The following SLC25A40 variants were observed in gnomAD, a reference collection of about 807,000 sequenced individuals.
SLC25A40 encodes the protein solute carrier family 25 member 40, also known as mitochondrial glutathione transporter SLC25A40.
In SLC25A40, 41 loss-of-function variants were observed where a neutral mutation model predicts 46.5. The ratio of observed to expected loss-of-function variants is 0.88; its 90% CI spans 0.69 to 1.14. The LOEUF is 1.14. Ranked by LOEUF, SLC25A40 falls within the 50% of genes most tolerant of loss-of-function variation. The pLI is 0.00. For synonymous variants in SLC25A40, 126 were observed against 127.5 expected, an observed-to-expected ratio of 0.99 and a Z score of 0.08; for missense variants, 386 against 393.6, an observed-to-expected ratio of 0.98 and a Z score of 0.16.
chr7:87,848,188 GC>G (rs1838451239), intron 6 of SLC25A40, among the ~76,000 whole-genome samples: 1 of 152,102 alleles, frequency 6.6e-6, no homozygotes, highest in South Asian at 2.1e-4. Context: ...TATAAAGTAG[GC>G]ATTTGCCATC....
At chr7:87,844,448 A>G (rs943613288) in intron 8 of SLC25A40, among the ~76,000 whole-genome samples, 1 of 152,142 alleles carries the variant, frequency 6.6e-6, no homozygotes, top group Non-Finnish European at 1.5e-5. Context: ...TGCATCAAAA[A>G]CCTATACCAA....
In SLC25A40 at chr7:87,854,226, G is replaced by T; in HGVS notation, c.242C>A (p.Pro81Gln). Residue 81 changes from proline to glutamine, a missense_variant, in exon 5 of 12, where the codon CCA becomes CAA. By Grantham distance (76) the Pro-to-Gln change is moderately conservative. Coordinates refer to ENST00000341119, the MANE Select transcript of SLC25A40 (RefSeq NM_018843.4). ...EGGNKLWYKK[P>Q]GNFQGTLDAF... ...TACCAATGTTCCCTGGAAATTTCCT[G>T]GCTTCTTATACCATAGTTTGTTGCC... 1 of 1,611,710 alleles carries T rather than the reference G, an allele frequency of 6.2e-7. No homozygotes were observed. Among genetic ancestry groups the T allele is most frequent in the Non-Finnish European group, 8.5e-7 (1 of 1,178,106 alleles).
intron 2 of SLC25A40, among the ~76,000 whole-genome samples, chr7:87,859,721 G>A (rs914292146): frequency 6.6e-6 from 1 of 152,070 alleles, no homozygotes; most frequent in Non-Finnish European, 1.5e-5. Flanking sequence ...TTTATTGCTT[G>A]CACGGTAGTT....
chr7:87,855,242 A>C (rs1838591617), intron 4 of SLC25A40, among the ~76,000 whole-genome samples: 1 of 152,240 alleles, frequency 6.6e-6, no homozygotes, highest in Non-Finnish European at 1.5e-5. Flanking sequence ...AAAAGACGAA[A>C]ACCCATTTAG....
At chr7:87,858,479 G>A (rs1212363176) in intron 3 of SLC25A40, 152 bp downstream of exon 3, 8 of 557,728 alleles carry the variant, frequency 1.4e-5, no homozygotes, top group Non-Finnish European at 2.2e-5. Flanking sequence ...AGGCCCAGCT[G>A]TAAAATTCCT....
At chr7:87,837,701 G>A (rs1209033805) in intron 10 of SLC25A40, among the ~76,000 whole-genome samples, 3 of 150,864 alleles carry the variant, frequency 2.0e-5, no homozygotes, top group Non-Finnish European at 4.5e-5. Flanking sequence ...CAGACTACTA[G>A]ATGCAATAAG....
intron 1 of SLC25A40, among the ~76,000 whole-genome samples, chr7:87,873,594 A>G (rs1584342787): frequency 6.6e-6 from 1 of 151,960 alleles, no homozygotes; most frequent in South Asian, 2.1e-4. Flanking sequence ...CACCATGCCC[A>G]GCTAATTTTT....
chr7:87,867,019 T>C (rs1318218977), intron 1 of SLC25A40, among the ~76,000 whole-genome samples: 1 of 152,172 alleles, frequency 6.6e-6, no homozygotes, highest in Admixed American at 6.5e-5. Flanking sequence ...TCTAACTCCT[T>C]TGTCTCCGCC....
intron 10 of SLC25A40, among the ~76,000 whole-genome samples, chr7:87,840,735 C>T (rs1838319057): frequency 1.3e-5 from 2 of 151,786 alleles, no homozygotes; most frequent in Admixed American, 1.3e-4. Context: ...TTGATTACCT[C>T]CCAGGTTTTC....
intron 1 of SLC25A40, among the ~76,000 whole-genome samples, chr7:87,865,385 C>T (rs2131019207): frequency 1.3e-5 from 2 of 152,338 alleles, no homozygotes; most frequent in East Asian, 1.9e-4. Context: ...TCTCAACAGG[C>T]CGCAGTAGCT....
Position 87,836,273 on chromosome 7 carries a change from T to C in SLC25A40, c.993A>G (p.Gln331=). Residue 331 remains glutamine (Q), a synonymous_variant, in exon 12 of 12, where the codon CAA becomes CAG. Coordinates refer to ENST00000341119, the MANE Select transcript of SLC25A40 (RefSeq NM_018843.4). ...YEFGKAFFQK[Q]NVRRQQY ...ACTAGTATTGCTGCCTTCGAACATT[T>C]TGTTTCTGGAAAAAAGCCTTTCCAA... is the stretch of plus-strand genomic sequence containing the variant. 1 of 1,585,556 alleles carries C rather than the reference T, an allele frequency of 6.3e-7. No individual in the cohort carries two copies. The highest frequency in any genetic ancestry group is 8.6e-7 in the Non-Finnish European group (1 of 1,169,264).
At chr7:87,852,323 G>A (rs560651567) in intron 5 of SLC25A40, among the ~76,000 whole-genome samples, 10 of 152,262 alleles carry the variant, frequency 6.6e-5, no homozygotes, top group East Asian at 1.9e-4. Flanking sequence ...GTCTCACGCC[G>A]GTATCTCAGC....
intron 2 of SLC25A40, among the ~76,000 whole-genome samples, chr7:87,859,259 C>T (rs1838661261): frequency 6.6e-6 from 1 of 151,998 alleles, no homozygotes; most frequent in South Asian, 2.1e-4. Flanking sequence ...TCGAGACCAA[C>T]CTGGCTAACA....
At chr7:87,844,564 G>A (rs1054796692) in intron 8 of SLC25A40, among the ~76,000 whole-genome samples, 3 of 151,968 alleles carry the variant, frequency 2.0e-5, no homozygotes, top group Non-Finnish European at 2.9e-5. Context: ...TGGGCAGCAA[G>A]TAAGAAAGAA....
intron 1 of SLC25A40, among the ~76,000 whole-genome samples, chr7:87,874,254 G>A (rs1308733812): frequency 1.3e-5 from 2 of 152,124 alleles, no homozygotes. Flanking sequence ...CTATGTTACT[G>A]TCCTTCCTCT....
chr7:87,851,462 A>T (rs2131005971), intron 5 of SLC25A40, among the ~76,000 whole-genome samples: 1 of 151,826 alleles, frequency 6.6e-6, no homozygotes, highest in Non-Finnish European at 1.5e-5. Context: ...CCAAGTAGGT[A>T]GCCTAGACTT....
chr7:87,867,659 A>G (rs1447755378), intron 1 of SLC25A40, among the ~76,000 whole-genome samples: 1 of 152,074 alleles, frequency 6.6e-6, no homozygotes, highest in Non-Finnish European at 1.5e-5. Context: ...ATTTATGTCC[A>G]TATCTTTGCA....
At chr7:87,840,107 A>G (rs1043916651) in intron 10 of SLC25A40, among the ~76,000 whole-genome samples, 9 of 151,826 alleles carry the variant, frequency 5.9e-5, no homozygotes, top group South Asian at 4.1e-4. Flanking sequence ...AAATTTACCA[A>G]TGATAATCAT....
At chr7:87,840,958 T>C (rs917444410) in intron 10 of SLC25A40, among the ~76,000 whole-genome samples, 41 of 151,908 alleles carry the variant, frequency 2.7e-4, no homozygotes, top group Middle Eastern at 3.4e-3. Flanking sequence ...AATTTTGTAA[T>C]AGATAATTTC....
Sources: gnomAD v4.1 joint callset for allele counts (sites outside exome capture counted in the v4.1 genomes callset) on GRCh38, gnomAD v4.1.1 for gene constraint, MANE v1.5 for transcripts, NCBI Gene and HGNC (gene_info 2026-07-23, HGNC 2026-07-21) for gene names.